The following ANXA4 variants were observed in gnomAD, a reference collection of about 807,000 sequenced individuals.
ANXA4 encodes 35-beta calcimedin.
A neutral mutation model predicts 49.8 loss-of-function variants in ANXA4; 39 were observed. The ratio of observed to expected loss-of-function variants is 0.78; its 90% CI spans 0.61 to 1.02. The LOEUF is 1.02. Among genes scored for constraint, ANXA4 ranks in the 50% least tolerant of loss-of-function variants. The pLI, the probability that ANXA4 is intolerant of heterozygous loss-of-function variation, is 0.00. For synonymous variants in ANXA4, 134 were observed against 152.5 expected, an observed-to-expected ratio of 0.88 and a Z score of 0.89; for missense variants, 360 against 410.1, an observed-to-expected ratio of 0.88 and a Z score of 1.05.
intron 2 of ANXA4, among the ~76,000 whole-genome samples, chr2:69,696,172 C>T (rs1168678669): frequency 2.0e-5 from 3 of 152,156 alleles, no homozygotes; most frequent in African/African-American, 7.2e-5. Context: ...AAATTGGATT[C>T]CATCCTCTCA....
At chr2:69,748,659 G>A (rs1670718560) in intron 1 of ANXA4, among the ~76,000 whole-genome samples, 1 of 150,104 alleles carries the variant, frequency 6.7e-6, no homozygotes, top group Non-Finnish European at 1.5e-5. Context: ...AAATCACAGA[G>A]TGAATTTACT....
At chr2:69,702,957 A>G (rs1389728223) in intron 2 of ANXA4, among the ~76,000 whole-genome samples, 6 of 152,178 alleles carry the variant, frequency 3.9e-5, no homozygotes, top group African/African-American at 1.4e-4. Context: ...AAATTCGCCC[A>G]TGTTTTCTTC....
chr2:69,653,328 A>G lies in ANXA4; in HGVS notation n.766+46A>G, dbSNP rs1054150774. Reference sequence around the variant, plus strand: ...TAAATGTGAAGTATGCGTAAATGATATATGATTTACAGTCCAATTGAGATG... The same window carrying G: ...TAAATGTGAAGTATGCGTAAATGATGTATGATTTACAGTCCAATTGAGATG... On this transcript the variant is annotated intron_variant and non_coding_transcript_variant, in intron 2 of 3. Coordinates refer to the ANXA4 transcript ENST00000418066. 2.6e-5 allele frequency: 4 copies of G among 152,250 alleles called. No individual in the cohort carries two copies. In the South Asian group the frequency reaches 6.2e-4, roughly 24 times the overall value. 9.4% of individuals were successfully genotyped at this position (152,250 alleles called of 1,614,324 possible). A position where few individuals can be genotyped will look rare whatever the true frequency, so the allele number is the denominator to read the frequency against.
At chr2:69,801,062 T>C (rs1425327419) in intron 3 of ANXA4, among the ~76,000 whole-genome samples, 2 of 152,222 alleles carry the variant, frequency 1.3e-5, no homozygotes. Context: ...GCTATCTGCA[T>C]AGGGCATGAA....
At chr2:69,772,098 C>T (rs1177357617) in intron 1 of ANXA4, among the ~76,000 whole-genome samples, 2 of 152,322 alleles carry the variant, frequency 1.3e-5, no homozygotes, top group Admixed American at 1.3e-4. Context: ...TCACCTTCAG[C>T]CTTCATCTTT....
chr2:69,734,649 C>CA (rs1227971459), intron 3 of ANXA4, among the ~76,000 whole-genome samples: 37 of 151,118 alleles, frequency 2.4e-4, no homozygotes, highest in Admixed American at 2.0e-3. Flanking sequence ...TAAAAGGAGC[C>CA]AAAAAAATCC....
chr2:69,685,353 T>G (rs1249520982), intron 2 of ANXA4, among the ~76,000 whole-genome samples: 3 of 114,174 alleles, frequency 2.6e-5, no homozygotes, highest in East Asian at 4.7e-4. Flanking sequence ...TTTAATAAAG[T>G]TTTTTTTTCA....
chr2:69,654,926 A>C (rs1676381010), intron 2 of ANXA4, among the ~76,000 whole-genome samples: 1 of 152,236 alleles, frequency 6.6e-6, no homozygotes, highest in Admixed American at 6.5e-5. Flanking sequence ...AGCAATGGGG[A>C]AAGGATTCCC....
At chr2:69,809,143 A>G (rs1278253743) in intron 6 of ANXA4, 6 of 152,204 alleles carry the variant, frequency 3.9e-5, no homozygotes, top group African/African-American at 1.4e-4. Flanking sequence ...ATTTACAGAA[A>G]TGTTGTCAAT....
At chr2:69,823,240 TATAA>T (rs1674320058) in intron 12 of ANXA4, among the ~76,000 whole-genome samples, 1 of 151,244 alleles carries the variant, frequency 6.6e-6, no homozygotes, top group African/African-American at 2.4e-5. Context: ...TGTCTGTATA[TATAA>T]ATATGTAAAT....
intron 12 of ANXA4, among the ~76,000 whole-genome samples, chr2:69,825,084 A>C (rs1238490314): frequency 6.6e-6 from 1 of 150,450 alleles, no homozygotes; most frequent in Non-Finnish European, 1.5e-5. Flanking sequence ...AAAAAAAAAA[A>C]AAAAAACCAC....
At chr2:69,785,336 A>G (rs559206626) in intron 2 of ANXA4, among the ~76,000 whole-genome samples, 1 of 152,148 alleles carries the variant, frequency 6.6e-6, no homozygotes, top group Non-Finnish European at 1.5e-5. Flanking sequence ...AAAATCCTCC[A>G]TTCCTTTAGA....
intron 3 of ANXA4, among the ~76,000 whole-genome samples, chr2:69,731,968 TTTC>T (rs1468912222): frequency 7.4e-6 from 1 of 134,580 alleles, no homozygotes; most frequent in Non-Finnish European, 1.5e-5. Context: ...TTAGTTACAT[TTTC>T]TTTTCTTTCT....
chr2:69,757,803 A>G (rs1671123568), intron 1 of ANXA4, among the ~76,000 whole-genome samples: 1 of 151,766 alleles, frequency 6.6e-6, no homozygotes, highest in South Asian at 2.1e-4. Flanking sequence ...TAATAAAAAT[A>G]CAAAAATTAG....
intron 2 of ANXA4, among the ~76,000 whole-genome samples, chr2:69,708,287 G>T (rs1159538622): frequency 6.6e-6 from 1 of 152,154 alleles, no homozygotes; most frequent in Non-Finnish European, 1.5e-5. Flanking sequence ...ATGGTCAAAC[G>T]TGATCGCAAT....
At chr2:69,667,427 C>G (rs903980778) in intron 2 of ANXA4, among the ~76,000 whole-genome samples, 1 of 151,118 alleles carries the variant, frequency 6.6e-6, no homozygotes, top group African/African-American at 2.4e-5. Flanking sequence ...CACACTCAAA[C>G]CTTGTTATGA....
chr2:69,821,204 C>T (rs956317562), intron 12 of ANXA4, among the ~76,000 whole-genome samples: 5 of 152,310 alleles, frequency 3.3e-5, no homozygotes, highest in South Asian at 2.1e-4. Context: ...TCCTGAATTA[C>T]TGTTCTTTAC....
At chr2:69,696,823 T>C (rs1678175272) in intron 2 of ANXA4, among the ~76,000 whole-genome samples, 1 of 152,204 alleles carries the variant, frequency 6.6e-6, no homozygotes, top group Admixed American at 6.5e-5. Flanking sequence ...TAAAAAGGAA[T>C]CTTTTTTATT....
chr2:69,775,243 T>A (rs1382246810), intron 1 of ANXA4, among the ~76,000 whole-genome samples: 1 of 152,232 alleles, frequency 6.6e-6, no homozygotes, highest in Admixed American at 6.5e-5. Context: ...AGTTACTGGC[T>A]AGAGCGCAGA....
Sources: allele counts gnomAD v4.1 joint callset (sites outside exome capture counted in the v4.1 genomes callset), GRCh38; gene constraint gnomAD v4.1.1; transcripts MANE v1.5; gene names NCBI Gene and HGNC (gene_info 2026-07-23, HGNC 2026-07-21).